CAMK2D: variants seen among roughly 807,000 people sequenced by gnomAD.
CAMK2D encodes calcium/calmodulin dependent protein kinase II delta.
A neutral mutation model predicts 84.0 loss-of-function variants in CAMK2D; 37 were observed. That is an observed-to-expected ratio of 0.44 (90% CI 0.34 to 0.58). The LOEUF is 0.58. Among genes scored for constraint, CAMK2D ranks in the 20% least tolerant of loss-of-function variants. The pLI, the probability that CAMK2D is intolerant of heterozygous loss-of-function variation, is 0.02. For missense variants in CAMK2D, 448 were observed against 652.5 expected (o/e 0.69, Z 3.41); for synonymous variants, 202 against 212.5 (o/e 0.95, Z 0.43).
At chr4:113,621,892 C>CTACACATAGT (rs1257772224) in intron 3 of CAMK2D, among the ~76,000 whole-genome samples, 1 of 152,182 alleles carries the variant, frequency 6.6e-6, no homozygotes, top group Non-Finnish European at 1.5e-5. Context: ...CACAATATAA[C>CTACACATAGT]TATGTGGCAA....
chr4:113,584,705 T>A (rs2098826058), intron 4 of CAMK2D, among the ~76,000 whole-genome samples: 1 of 152,050 alleles, frequency 6.6e-6, no homozygotes, highest in South Asian at 2.1e-4. Context: ...GCTCACCCCT[T>A]AGATAAGGGA....
At chr4:113,585,305 T>C (rs2098828687) in intron 4 of CAMK2D, among the ~76,000 whole-genome samples, 1 of 152,196 alleles carries the variant, frequency 6.6e-6, no homozygotes, top group Non-Finnish European at 1.5e-5. Flanking sequence ...GTGAGGAATT[T>C]CAGATTTGCA....
At chr4:113,600,842 C>T (rs2098948946) in intron 4 of CAMK2D, among the ~76,000 whole-genome samples, 1 of 152,032 alleles carries the variant, frequency 6.6e-6, no homozygotes, top group Admixed American at 6.6e-5. Flanking sequence ...ACTATGTTGC[C>T]CAGGCTGATC....
At chr4:113,562,232 C>T (rs1460069043) in intron 4 of CAMK2D, among the ~76,000 whole-genome samples, 1 of 152,080 alleles carries the variant, frequency 6.6e-6, no homozygotes, top group Non-Finnish European at 1.5e-5. Flanking sequence ...GTGATAAAGT[C>T]TTATTTGACT....
At chr4:113,559,799 A>G (rs888649366) in intron 4 of CAMK2D, among the ~76,000 whole-genome samples, 2 of 139,158 alleles carry the variant, frequency 1.4e-5, no homozygotes, top group Non-Finnish European at 3.2e-5. Flanking sequence ...AGATCATGTT[A>G]TGAAAGCAGG....
intron 16 of CAMK2D, among the ~76,000 whole-genome samples, chr4:113,493,377 T>G (rs1325361608): frequency 2.7e-5 from 4 of 150,296 alleles, no homozygotes; most frequent in Admixed American, 6.6e-5. Context: ...GTCTGTAAAG[T>G]ATTTTATTTC....
intron 16 of CAMK2D, among the ~76,000 whole-genome samples, chr4:113,495,041 G>A (rs1456457186): frequency 6.6e-6 from 1 of 152,160 alleles, no homozygotes; most frequent in Non-Finnish European, 1.5e-5. Flanking sequence ...CCCACTGTGT[G>A]GCACTCCCTA....
At chr4:113,533,518 C>CA (rs1465686191) in intron 7 of CAMK2D, among the ~76,000 whole-genome samples, 1 of 151,796 alleles carries the variant, frequency 6.6e-6, no homozygotes, top group Non-Finnish European at 1.5e-5. Flanking sequence ...ATAGATAACA[C>CA]AAAGAGAAAA....
intron 4 of CAMK2D, among the ~76,000 whole-genome samples, chr4:113,608,858 T>G (rs897644016): frequency 6.6e-6 from 1 of 152,206 alleles, no homozygotes; most frequent in Non-Finnish European, 1.5e-5. Context: ...ATGTCAAACA[T>G]TTTTGTGCTA....
chr4:113,566,194 C>T (rs2098722974), intron 4 of CAMK2D, among the ~76,000 whole-genome samples: 1 of 152,174 alleles, frequency 6.6e-6, no homozygotes, highest in South Asian at 2.1e-4. Flanking sequence ...CTTAGTAATA[C>T]TGGTCCAGTT....
intron 2 of CAMK2D, among the ~76,000 whole-genome samples, chr4:113,730,025 C>T (rs2099559847): frequency 6.6e-6 from 1 of 152,182 alleles, no homozygotes; most frequent in South Asian, 2.1e-4. Flanking sequence ...CACGTATTAA[C>T]ACCCGTGCAC....
At chr4:113,495,623 C>T (rs1044336859) in intron 16 of CAMK2D, among the ~76,000 whole-genome samples, 4 of 152,140 alleles carry the variant, frequency 2.6e-5, no homozygotes, top group Non-Finnish European at 5.9e-5. Context: ...AAACATGAAT[C>T]ACCATTCAAG....
intron 2 of CAMK2D, among the ~76,000 whole-genome samples, chr4:113,673,847 T>C (rs113872268): frequency 1.1e-4 from 16 of 152,370 alleles, no homozygotes; most frequent in African/African-American, 3.6e-4. Flanking sequence ...GAAATGAGAC[T>C]GTTCTTGTGA....
intron 14 of CAMK2D, among the ~76,000 whole-genome samples, 162 bp downstream of exon 14, chr4:113,504,814 G>C (rs1230196418): frequency 7.0e-6 from 1 of 142,194 alleles, no homozygotes; most frequent in Non-Finnish European, 1.5e-5. Context: ...AAATGAACTT[G>C]GTCATATCAT....
intron 2 of CAMK2D, among the ~76,000 whole-genome samples, chr4:113,692,730 T>A (rs1251746373): frequency 6.6e-6 from 1 of 150,772 alleles, no homozygotes; most frequent in African/African-American, 2.4e-5. Flanking sequence ...ATACATATAT[T>A]CATACATACA....
At chr4:113,625,202 C>T (rs917455399) in intron 3 of CAMK2D, among the ~76,000 whole-genome samples, 1 of 152,106 alleles carries the variant, frequency 6.6e-6, no homozygotes, top group African/African-American at 2.4e-5. Context: ...GTGATAAATT[C>T]CTTATTCTTC....
intron 4 of CAMK2D, among the ~76,000 whole-genome samples, chr4:113,567,805 A>C (rs1005569871): frequency 6.6e-6 from 1 of 152,192 alleles, no homozygotes; most frequent in African/African-American, 2.4e-5. Flanking sequence ...AAAATTAAAG[A>C]GCTAAAATAG....
intron 2 of CAMK2D, among the ~76,000 whole-genome samples, chr4:113,729,429 C>G (rs1326110700): frequency 2.0e-5 from 3 of 152,168 alleles, no homozygotes; most frequent in Non-Finnish European, 4.4e-5. Context: ...CTACACTGGG[C>G]CTTTCCTTTG....
In CAMK2D at chr4:113,761,626, C is replaced by G. The variant is rs1027789444; in HGVS notation, c.-558G>C. The stretch of plus-strand genomic sequence containing the variant: ...CGGGGCTCCGACGAGCGTGCGCGCC[C>G]GAGGCCGGCTTCCCTCCGGCGGGCG... On this transcript the variant is annotated 5_prime_UTR_variant, in exon 1 of 21. Transcript: ENST00000511664. The G allele has an allele frequency of 4.1e-6, 4 of 985,050 alleles. No homozygotes were observed. The African/African-American group carries it at 5.2e-5, about 13-fold the overall frequency. 61.0% of individuals were successfully genotyped at this position (985,050 alleles called of 1,614,324 possible).
Sources: allele counts gnomAD v4.1 joint callset (sites outside exome capture counted in the v4.1 genomes callset), GRCh38; gene constraint gnomAD v4.1.1; transcripts MANE v1.5; gene names NCBI Gene and HGNC (gene_info 2026-07-23, HGNC 2026-07-21).